The following LSAMP variants were observed in gnomAD, a reference collection of about 807,000 sequenced individuals.
LSAMP encodes limbic system-associated membrane protein.
Under a neutral mutation model 38.6 loss-of-function variants are expected in LSAMP, and 7 were observed. That is an observed-to-expected ratio of 0.18 (90% confidence interval 0.10 to 0.34). The LOEUF (loss-of-function observed/expected upper bound fraction) is 0.34, where lower values mean the gene tolerates loss of function less well. Among genes scored for constraint, LSAMP ranks in the 10% least tolerant of loss-of-function variants. The pLI is 1.00. For synonymous variants in LSAMP, 154 were observed against 166.8 expected (o/e 0.92, Z 0.59); for missense variants, 313 against 420.0 (o/e 0.75, Z 2.23).
rs565988919 is a variant in LSAMP, at chr3:116,103,605, A to C, written c.156-17049T>G. 7.1e-4 allele frequency among the ~76,000 whole-genome samples: 101 copies of C among 141,488 alleles called. 2 individuals carry two copies. The South Asian group carries it at 0.021, about 30-fold the overall frequency. 92.8% of individuals were successfully genotyped at this position (141,488 alleles called of 152,430 possible). A position where few individuals can be genotyped will look rare whatever the true frequency, so the allele number is the denominator to read the frequency against. On this transcript the variant is annotated intron_variant, in intron 1 of 6. Coordinates refer to ENST00000490035, the MANE Select transcript of LSAMP (RefSeq NM_002338.5). ...ATTCTTTGCTTTGAGGACATGAGTC[A>C]ATGTAAGAAAATGGCTTATTTATAT...
intron 3 of LSAMP, among the ~76,000 whole-genome samples, chr3:115,899,550 C>T (rs529752895): frequency 6.6e-6 from 1 of 152,232 alleles, no homozygotes; most frequent in South Asian, 2.1e-4. Flanking sequence ...AAACCATGTC[C>T]TTGGAACACA....
chr3:116,078,418 G>T (rs932011996), intron 2 of LSAMP, among the ~76,000 whole-genome samples: 1 of 151,742 alleles, frequency 6.6e-6, no homozygotes, highest in Admixed American at 6.6e-5. Flanking sequence ...TCCGCCTCCC[G>T]GGTTCACTCC....
At chr3:116,394,820 G>T (rs1302438903) in intron 1 of LSAMP, among the ~76,000 whole-genome samples, 1 of 152,144 alleles carries the variant, frequency 6.6e-6, no homozygotes, top group Non-Finnish European at 1.5e-5. Context: ...GTGTTAATAT[G>T]TAAAATCTTT....
At chr3:116,381,439 G>A (rs1429795961) in intron 1 of LSAMP, among the ~76,000 whole-genome samples, 1 of 152,060 alleles carries the variant, frequency 6.6e-6, no homozygotes, top group Admixed American at 6.6e-5. Context: ...TGCCAAAAAT[G>A]AGTAAAACAC....
chr3:115,926,052 G>GA (rs140276193), intron 3 of LSAMP, among the ~76,000 whole-genome samples: 2,046 of 150,296 alleles, frequency 0.014, 42 homozygotes, highest in African/African-American at 0.046. Context: ...GCATTAAAAA[G>GA]AAAAAAAAAC....
rs2107668793 is a variant in LSAMP, at chr3:116,006,845, T to C, written c.514+12670A>G. 3.9e-5 allele frequency among the ~76,000 whole-genome samples: 6 copies of C among 152,334 alleles called. 2 individuals carry two copies. The South Asian group carries it at 1.2e-3, about 32-fold the overall frequency. On this transcript the variant is annotated intron_variant, in intron 3 of 6. Transcript: ENST00000490035. Reference sequence around the variant, plus strand: ...AGCAATTTTCCTATGTTTTGAAAAATATAAAATGTCTCCTGGATTGTTCTA... The same window carrying C: ...AGCAATTTTCCTATGTTTTGAAAAACATAAAATGTCTCCTGGATTGTTCTA...
intron 3 of LSAMP, among the ~76,000 whole-genome samples, chr3:115,979,445 G>C (rs1939293685): frequency 6.6e-6 from 1 of 152,122 alleles, no homozygotes; most frequent in Admixed American, 6.6e-5. Flanking sequence ...ATATATATAT[G>C]AGATATTCAG....
chr3:115,872,982 A>G (rs1022575285), intron 3 of LSAMP, among the ~76,000 whole-genome samples: 36 of 152,202 alleles, frequency 2.4e-4, no homozygotes, highest in African/African-American at 8.2e-4. Context: ...ACACATATAT[A>G]CATATATGTA....
Position 115,855,365 on chromosome 3 carries a change from T to C in LSAMP, c.515-2748A>G, listed in dbSNP as rs182171998. 3.3e-4 allele frequency among the ~76,000 whole-genome samples: 51 copies of C among 152,352 alleles called. 1 individual carries two copies. Among genetic ancestry groups the C allele is most frequent in the African/African-American group, 1.1e-3 (46 of 41,582 alleles). On this transcript the variant is annotated intron_variant, in intron 3 of 6. Transcript: ENST00000490035. ...AAGTATTAGTAATCTCATTTGTTCCTGATAAGCAGATAATAAAACATATCC... is the reference window on the plus strand; with the variant it reads ...AAGTATTAGTAATCTCATTTGTTCCCGATAAGCAGATAATAAAACATATCC...
Position 116,086,915 on chromosome 3 carries a change from A to G in LSAMP, c.156-359T>C, listed in dbSNP as rs112928130. 5.3e-5 allele frequency among the ~76,000 whole-genome samples: 8 copies of G among 152,344 alleles called. No individual in the cohort carries two copies. In the South Asian group the frequency reaches 8.3e-4, roughly 16 times the overall value. On this transcript the variant is annotated intron_variant, in intron 1 of 6. Coordinates refer to ENST00000490035, the MANE Select transcript of LSAMP (RefSeq NM_002338.5). ...TTTTGAGAATTATACAATTGATATC[A>G]TAGCACTTTTACTCCATCTTGAACT... is the stretch of plus-strand genomic sequence containing the variant.
intron 3 of LSAMP, among the ~76,000 whole-genome samples, chr3:115,919,672 C>T (rs753203930): frequency 3.3e-5 from 5 of 152,076 alleles, no homozygotes; most frequent in South Asian, 2.1e-4. Context: ...AGTGCAGTGG[C>T]GCGATCTTGG....
At chr3:115,954,954 TTTTTG>T (rs1938406119) in intron 3 of LSAMP, among the ~76,000 whole-genome samples, 1 of 29,492 alleles carries the variant, frequency 3.4e-5, no homozygotes, top group South Asian at 8.9e-3. Context: ...TCTGTTTTTG[TTTTTG>T]TTTTTTTTTT....
chr3:115,861,488 G>A lies in LSAMP; in HGVS notation c.515-8871C>T, dbSNP rs540733034. On this transcript the variant is annotated intron_variant, in intron 3 of 6. Transcript: ENST00000490035. ...GAGAAGGATTCTGAGGCGGTGTCTGGGCTCAATGAGAGAGAGTGGCACTGT... is the reference window on the plus strand; with the variant it reads ...GAGAAGGATTCTGAGGCGGTGTCTGAGCTCAATGAGAGAGAGTGGCACTGT... Among the ~76,000 whole-genome samples the A allele has an allele frequency of 6.0e-5, 9 of 149,790 alleles. No individual in the cohort carries two copies. In the South Asian group the frequency reaches 1.9e-3, roughly 32 times the overall value.
At chr3:116,109,157 T>G (rs1473116015) in intron 1 of LSAMP, among the ~76,000 whole-genome samples, 1 of 152,096 alleles carries the variant, frequency 6.6e-6, no homozygotes, top group Non-Finnish European at 1.5e-5. Context: ...ACTATCTGAT[T>G]TGGGATAAAC....
At chr3:116,193,958 G>A in intron 1 of LSAMP, among the ~76,000 whole-genome samples, 1 of 152,066 alleles carries the variant, frequency 6.6e-6, no homozygotes, top group East Asian at 1.9e-4. Flanking sequence ...CTTTAGTTGT[G>A]CACAGTGTTT....
intron 1 of LSAMP, among the ~76,000 whole-genome samples, chr3:116,401,316 C>T (rs771761845): frequency 6.6e-6 from 1 of 152,120 alleles, no homozygotes; most frequent in Non-Finnish European, 1.5e-5. Flanking sequence ...GGGTCTCACT[C>T]TGTTGCCAAG....
chr3:115,874,389 G>C (rs1280700263), intron 3 of LSAMP, among the ~76,000 whole-genome samples: 2 of 151,864 alleles, frequency 1.3e-5, no homozygotes, highest in African/African-American at 4.8e-5. Flanking sequence ...TTTTTGTCTT[G>C]TTTTGTTTTG....
intron 1 of LSAMP, among the ~76,000 whole-genome samples, chr3:116,381,424 T>C (rs761859299): frequency 6.6e-6 from 1 of 152,094 alleles, no homozygotes; most frequent in Non-Finnish European, 1.5e-5. Context: ...GGAATACAAA[T>C]TATTTGCCAA....
intron 6 of LSAMP, chr3:115,838,300 C>T (rs752625966): frequency 2.0e-5 from 3 of 152,240 alleles, no homozygotes; most frequent in Admixed American, 6.5e-5. Flanking sequence ...TCCTCCATGT[C>T]CGTTATTTTA....
Sources: allele counts gnomAD v4.1 joint callset (sites outside exome capture counted in the v4.1 genomes callset), GRCh38; gene constraint gnomAD v4.1.1; transcripts MANE v1.5; gene names NCBI Gene and HGNC (gene_info 2026-07-23, HGNC 2026-07-21).